The following ZPBP variants were observed in gnomAD, a reference collection of about 807,000 sequenced individuals.
The protein encoded by ZPBP is zona pellucida binding protein.
Under a neutral mutation model 44.8 loss-of-function variants are expected in ZPBP, and 26 were observed. The observed-to-expected ratio is 0.58, with a 90% CI of 0.43 to 0.81. The LOEUF is 0.81. Among genes scored for constraint, ZPBP ranks in the 30% least tolerant of loss-of-function variants. The pLI, the probability that ZPBP is intolerant of heterozygous loss-of-function variation, is 0.00. For missense variants in ZPBP, 409 were observed against 434.0 expected (o/e 0.94, Z 0.51); for synonymous variants, 174 against 153.2 (o/e 1.14, Z -1.00).
downstream of ZPBP, among the ~76,000 whole-genome samples, chr7:49,848,889 G>A (rs1384998783): frequency 6.6e-6 from 1 of 152,192 alleles, no homozygotes; most frequent in Non-Finnish European, 1.5e-5. Context: ...AATCTAGACA[G>A]AACACACCTC....
Position 50,061,701 on chromosome 7 carries a change from T to C in ZPBP, c.335-3560A>G, listed in dbSNP as rs529229497. On this transcript the variant is annotated intron_variant, in intron 3 of 7. Coordinates refer to ENST00000046087, the MANE Select transcript of ZPBP (RefSeq NM_007009.3). ...ACTGCCACTTTAAGTTCCAGCTCTC[T>C]TTCTAGCCTGATGCATTTCAATGAA... Among the ~76,000 whole-genome samples, 121 of 152,326 alleles carry C rather than the reference T, an allele frequency of 7.9e-4. 1 individual carries two copies. In the East Asian group the frequency reaches 0.021, roughly 26 times the overall value.
At chr7:49,900,648 G>C (rs956596788) in intron 2 of ZPBP, among the ~76,000 whole-genome samples, 1 of 151,662 alleles carries the variant, frequency 6.6e-6, no homozygotes, top group Non-Finnish European at 1.5e-5. Flanking sequence ...ATATAAAAGA[G>C]ATATAATCAA....
chr7:50,089,839 C>G (rs1345117128), intron 1 of ZPBP, 130 bp from the exon 2 acceptor site: 1 of 717,206 alleles, frequency 1.4e-6, no homozygotes, highest in Non-Finnish European at 2.5e-6. Flanking sequence ...GTTGATATCA[C>G]TGTTCCAACT....
intron 2 of ZPBP, among the ~76,000 whole-genome samples, chr7:49,900,945 T>G (rs1792691324): frequency 6.6e-6 from 1 of 151,848 alleles, no homozygotes; most frequent in African/African-American, 2.4e-5. Flanking sequence ...AGGTATGCCT[T>G]AATTCATCAC....
intron 4 of ZPBP, among the ~76,000 whole-genome samples, chr7:50,043,703 C>T (rs1248877488): frequency 6.6e-6 from 1 of 152,060 alleles, no homozygotes; most frequent in Non-Finnish European, 1.5e-5. Flanking sequence ...TAGAGACTCC[C>T]ACACAATAAT....
intron 7 of ZPBP, among the ~76,000 whole-genome samples, chr7:49,970,023 C>T (rs1182082504): frequency 1.9e-5 from 1 of 51,296 alleles, no homozygotes; most frequent in African/African-American, 8.9e-5. Context: ...CCACTCCCAG[C>T]TAATTTTTTG....
Position 50,081,894 on chromosome 7 carries a change from C to T in ZPBP, c.214G>A (p.Ala72Thr). 1.2e-6 allele frequency: 2 copies of T among 1,610,620 alleles called. No individual in the cohort carries two copies. The highest frequency in any genetic ancestry group is 1.7e-6 in the Non-Finnish European group (2 of 1,177,756). ...CTCTTTTGATGGAGCATGACATACG[C>T]TTTCACTGAAAATACAATATTTAAA... ...IVGSTSFPVK[A>T]YVMLHQKSPH... is the part of the protein sequence containing the mutation. The change falls in exon 3 of 8, where the codon GCG becomes ACG. Residue 72 changes from alanine (A) to threonine (T), a missense_variant. Ala to Thr is a moderately conservative substitution (Grantham distance 58). This residue lies in a region of ZPBP where 367 missense variants were observed against 363.1 expected (regional missense o/e 1.01). Coordinates refer to ENST00000046087, the MANE Select transcript of ZPBP (RefSeq NM_007009.3).
At chr7:49,892,746 C>T (rs1792198490) in intron 2 of ZPBP, among the ~76,000 whole-genome samples, 1 of 152,224 alleles carries the variant, frequency 6.6e-6, no homozygotes, top group African/African-American at 2.4e-5. Flanking sequence ...GAGACAGTGA[C>T]ATTTTTTTAC....
At chr7:49,901,485 G>C (rs1294415768) in intron 1 of ZPBP, among the ~76,000 whole-genome samples, 1 of 151,402 alleles carries the variant, frequency 6.6e-6, no homozygotes, top group Non-Finnish European at 1.5e-5. Context: ...AAATACTTAG[G>C]TATAAAATTA....
intron 6 of ZPBP, among the ~76,000 whole-genome samples, chr7:50,001,815 G>A (rs1798109827): frequency 6.6e-6 from 1 of 152,176 alleles, no homozygotes; most frequent in African/African-American, 2.4e-5. Flanking sequence ...CATGACTATT[G>A]TTAGTAGTAA....
intron 7 of ZPBP, among the ~76,000 whole-genome samples, chr7:49,958,308 C>G (rs1583915025): frequency 6.6e-6 from 1 of 152,148 alleles, no homozygotes; most frequent in Admixed American, 6.6e-5. Context: ...ATAAAAATGA[C>G]TGTATGTTAT....
At chr7:49,989,570 C>G (rs1188874107) in intron 6 of ZPBP, among the ~76,000 whole-genome samples, 5 of 152,074 alleles carry the variant, frequency 3.3e-5, no homozygotes, top group African/African-American at 1.2e-4. Flanking sequence ...TTGTTTTTAA[C>G]AAAAATGAGG....
intron 3 of ZPBP, among the ~76,000 whole-genome samples, chr7:50,063,524 G>C (rs1192888903): frequency 1.3e-5 from 2 of 152,196 alleles, no homozygotes; most frequent in Non-Finnish European, 2.9e-5. Flanking sequence ...AAAAGGCAAG[G>C]GAGGATGAGG....
At position 49,987,299 on chromosome 7, in the gene ZPBP, T is replaced by C. The variant is rs983006237; in HGVS notation, c.784-3780A>G. 2.0e-5 allele frequency among the ~76,000 whole-genome samples: 3 copies of C among 152,230 alleles called. No individual in the cohort carries two copies. The South Asian group carries it at 6.2e-4, about 32-fold the overall frequency. On this transcript the variant is annotated intron_variant, in intron 6 of 7. Transcript: ENST00000046087. ...TATAAGTATATTTAAAAGGCCTTTA[T>C]GTTTTTCTCTTCCTAAACTTTATTT...
In ZPBP at chr7:50,031,314, TA is replaced by T; in HGVS notation, c.488-5del. 1 of 1,604,656 alleles carries T rather than the reference TA, an allele frequency of 6.2e-7. No individual in the cohort carries two copies. The highest frequency in any genetic ancestry group is 1.1e-5 in the South Asian group (1 of 89,360). On this transcript the variant is annotated splice_region_variant and splice_polypyrimidine_tract_variant and intron_variant, in intron 4 of 7. Coordinates refer to ENST00000046087, the MANE Select transcript of ZPBP (RefSeq NM_007009.3). ...TAATAATGAGGCTCACGATAAGCTG[TA>T]AAAAATTAACAAGAGAAAGACACAA... is the stretch of plus-strand genomic sequence containing the variant.
chr7:50,048,674 G>T (rs993531308), intron 4 of ZPBP, among the ~76,000 whole-genome samples: 4 of 151,988 alleles, frequency 2.6e-5, no homozygotes, highest in Middle Eastern at 3.2e-3. Flanking sequence ...CCTATGGCAT[G>T]CAGGTAAGAC....
intron 3 of ZPBP, among the ~76,000 whole-genome samples, chr7:50,068,571 A>ACGCCTGCGTT (rs1801655437): frequency 6.6e-6 from 1 of 151,984 alleles, no homozygotes. Flanking sequence ...GACTGCGTTC[A>ACGCCTGCGTT]CACCTGCGTT....
chr7:49,979,034 T>G (rs1209892496), intron 7 of ZPBP, among the ~76,000 whole-genome samples: 1 of 152,050 alleles, frequency 6.6e-6, no homozygotes, highest in Non-Finnish European at 1.5e-5. Context: ...CACTAATTAA[T>G]AAGTCTATTG....
intron 1 of ZPBP, among the ~76,000 whole-genome samples, chr7:50,092,258 T>G (rs754474958): frequency 8.5e-5 from 13 of 152,354 alleles, no homozygotes; most frequent in African/African-American, 3.1e-4. Context: ...CATATACTTA[T>G]AGAAGAATAA....
Sources: gnomAD v4.1 joint callset for allele counts (sites outside exome capture counted in the v4.1 genomes callset) on GRCh38, gnomAD v4.1.1 for gene constraint, gnomAD v4.1.1 regional missense constraint, MANE v1.5 for transcripts, NCBI Gene and HGNC (gene_info 2026-07-23, HGNC 2026-07-21) for gene names.